DYNC2H1: variants seen among roughly 807,000 people sequenced by gnomAD.
DYNC2H1 encodes cytoplasmic dynein 2 heavy chain 1.
In DYNC2H1, 410 loss-of-function variants were observed where a neutral mutation model predicts 570.0. The observed-to-expected ratio is 0.72, with a 90% CI of 0.66 to 0.78. The LOEUF (loss-of-function observed/expected upper bound fraction) is 0.78. Ranked by LOEUF, DYNC2H1 falls within the 30% of genes least tolerant of loss-of-function variation. DYNC2H1 has a pLI of 0.00. For missense variants in DYNC2H1, 4,865 were observed against 5,046.4 expected (o/e 0.96, Z 1.09); for synonymous variants, 1,688 against 1,677.6 (o/e 1.01, Z -0.15).
intron 78 of DYNC2H1, 77 bp from the exon 79 acceptor site, chr11:103,311,801 T>C: frequency 2.1e-6 from 3 of 1,415,734 alleles, no homozygotes; most frequent in Middle Eastern, 2.5e-4. Context: ...TTAAATTATG[T>C]TCTTAAATAT....
intron 85 of DYNC2H1, among the ~76,000 whole-genome samples, chr11:103,444,998 T>G (rs1348808652): frequency 6.6e-6 from 1 of 152,152 alleles, no homozygotes; most frequent in Non-Finnish European, 1.5e-5. Flanking sequence ...ATGAATAAGC[T>G]ATAGGGAGGA....
intron 30 of DYNC2H1, among the ~76,000 whole-genome samples, chr11:103,164,115 T>A (rs1861204004): frequency 6.6e-6 from 1 of 152,182 alleles, no homozygotes; most frequent in African/African-American, 2.4e-5. Flanking sequence ...ACTGAAAATG[T>A]TTCCTAGTAC....
At position 103,374,923 on chromosome 11, in the gene DYNC2H1, T is replaced by G. The variant is rs1486270794; in HGVS notation, c.12156+16564T>G. ...GTATAATGAAGAGCCAAACACTAAT[T>G]GCCAAGACAATGGGGAAAATATCTC... On this transcript the variant is annotated intron_variant, in intron 83 of 88. Coordinates refer to ENST00000375735, the MANE Select transcript of DYNC2H1 (RefSeq NM_001377.3). Among the ~76,000 whole-genome samples the G allele has an allele frequency of 2.6e-5, 4 of 152,166 alleles. No homozygotes were observed. The East Asian group carries it at 5.8e-4, about 22-fold the overall frequency.
intron 79 of DYNC2H1, among the ~76,000 whole-genome samples, chr11:103,316,272 A>G (rs1937834807): frequency 6.6e-6 from 1 of 152,060 alleles, no homozygotes; most frequent in Non-Finnish European, 1.5e-5. Context: ...AGAATAAAAA[A>G]TGTAGTATAT....
chr11:103,470,484 C>T (rs898099206), intron 88 of DYNC2H1, among the ~76,000 whole-genome samples: 2 of 152,056 alleles, frequency 1.3e-5, no homozygotes, highest in African/African-American at 4.8e-5. Context: ...AGGTTTGTTA[C>T]GTATGTATAC....
intron 82 of DYNC2H1, among the ~76,000 whole-genome samples, chr11:103,343,032 G>A (rs1431455807): frequency 6.6e-6 from 1 of 152,114 alleles, no homozygotes; most frequent in Non-Finnish European, 1.5e-5. Context: ...CACGGCCACT[G>A]GACTAAAGAC....
At chr11:103,359,582 A>C (rs2566910) in intron 83 of DYNC2H1, among the ~76,000 whole-genome samples, 72,654 of 151,164 alleles carry the variant, frequency 0.48, 19,319 homozygotes, top group Admixed American at 0.6. Context: ...CATGTAGATT[A>C]TTTGCCTCCT....
At chr11:103,473,744 TCAGTTTGCCTTTG>T (rs1458526433) in intron 88 of DYNC2H1, among the ~76,000 whole-genome samples, 2 of 152,314 alleles carry the variant, frequency 1.3e-5, no homozygotes, top group East Asian at 3.9e-4. Context: ...CCACAGGAAG[TCAGTTTGCCTTTG>T]CTCTATCTTC....
intron 52 of DYNC2H1, among the ~76,000 whole-genome samples, chr11:103,207,742 G>GT (rs1862996994): frequency 6.6e-6 from 1 of 152,038 alleles, no homozygotes; most frequent in Non-Finnish European, 1.5e-5. Context: ...ATAGTTGTGT[G>GT]TTTTTTTCTC....
chr11:103,270,204 A>ATAAT (rs1865650617), intron 70 of DYNC2H1, among the ~76,000 whole-genome samples: 3 of 149,844 alleles, frequency 2.0e-5, no homozygotes, highest in Non-Finnish European at 4.4e-5. Flanking sequence ...AAAAAAAAAA[A>ATAAT]AAAAATAATA....
chr11:103,385,734 TACGTACC>T (rs1941844269), intron 83 of DYNC2H1, among the ~76,000 whole-genome samples: 1 of 152,220 alleles, frequency 6.6e-6, no homozygotes. Context: ...AGATTTTATT[TACGTACC>T]ACAGTGTTCT....
In DYNC2H1 at chr11:103,116,570, G is replaced by T; in HGVS notation, c.622G>T (p.Glu208Ter). 1 of 1,566,086 alleles carries T rather than the reference G, an allele frequency of 6.4e-7. No individual in the cohort carries two copies. Among genetic ancestry groups the T allele is most frequent in the African/African-American group, 1.4e-5 (1 of 73,068 alleles). ...FKELFETIAREFYNLDSLSLL... is the reference protein window; with the variant it reads ...FKELFETIAR ...TAAAAATTAATGCATTTTTTTCTAG[G>T]AGTTTTATAACTTGGACAGTCTATC... The change falls in exon 5 of 89, where the codon GAG becomes TAG. Residue 208 changes from glutamate (E) to a stop codon, truncating the protein, a stop_gained and splice_region_variant. Transcript: ENST00000375735. LOFTEE classifies it high-confidence loss of function.
At position 103,286,486 on chromosome 11, in the gene DYNC2H1, A is replaced by G. The variant is rs1210330784; in HGVS notation, c.11022+100A>G. On this transcript the variant is annotated intron_variant, in intron 74 of 88. Transcript: ENST00000375735. ...AGCTTTGCTTTTAGAGTGTTACTTTACCTTTAATGGCGTATTTGGGGAAGG... is the reference window on the plus strand; with the variant it reads ...AGCTTTGCTTTTAGAGTGTTACTTTGCCTTTAATGGCGTATTTGGGGAAGG... 2.9e-6 allele frequency: 4 copies of G among 1,369,318 alleles called. No individual in the cohort carries two copies. The East Asian group carries it at 9.3e-5, about 32-fold the overall frequency. 84.8% of individuals were successfully genotyped at this position (1,369,318 alleles called of 1,614,324 possible).
Position 103,222,062 on chromosome 11 carries a change from T to G in DYNC2H1, c.9140T>G (p.Ile3047Arg). ...GCAAAAAGAGGTGTAAGAGAAGACA[T>G]AGCAACCTTTGATGCCCGAAATATT... ...FLAKRGVRED[I>R]ATFDARNISK... is the part of the protein sequence containing the mutation. The change falls in exon 58 of 89, where the codon ATA becomes AGA. Residue 3047 changes from isoleucine to arginine, a missense_variant. Physicochemically the swap from Ile to Arg is moderately conservative, Grantham distance 97. Around this residue, in one of 5 missense-constraint regions of DYNC2H1, gnomAD observed 2,401 missense variants for 2,454.6 expected, o/e 0.98. Coordinates refer to ENST00000375735, the MANE Select transcript of DYNC2H1 (RefSeq NM_001377.3). 6.2e-7 allele frequency: 1 copy of G among 1,612,122 alleles called. No homozygotes were observed. The highest frequency in any genetic ancestry group is 8.5e-7 in the Non-Finnish European group (1 of 1,178,972).
At position 103,255,648 on chromosome 11, in the gene DYNC2H1, A is replaced by G. The variant is rs368422745; in HGVS notation, c.10326+114A>G. On this transcript the variant is annotated intron_variant, in intron 67 of 88. Coordinates refer to ENST00000375735, the MANE Select transcript of DYNC2H1 (RefSeq NM_001377.3). ...TTCAGATTTTTTTTTCCAAAGACAT[A>G]TTAGTGTATATCTTACAGTCAAAAT... is the stretch of plus-strand genomic sequence containing the variant. The G allele has an allele frequency of 1.8e-5, 20 of 1,083,832 alleles. No homozygotes were observed. The East Asian group carries it at 3.7e-4, about 20-fold the overall frequency. 67.1% of individuals were successfully genotyped at this position (1,083,832 alleles called of 1,614,324 possible).
chr11:103,467,195 C>A (rs543529902), intron 87 of DYNC2H1, among the ~76,000 whole-genome samples: 145 of 152,180 alleles, frequency 9.5e-4, no homozygotes, highest in African/African-American at 3.3e-3. Context: ...AGAATATTTT[C>A]AAAACTCTTC....
chr11:103,393,747 AAAAG>A (rs573758301), intron 83 of DYNC2H1, among the ~76,000 whole-genome samples: 119 of 152,304 alleles, frequency 7.8e-4, no homozygotes, highest in African/African-American at 2.7e-3. Context: ...GGCAATTTAT[AAAAG>A]AAAGAGGTTT....
intron 1 of DYNC2H1, among the ~76,000 whole-genome samples, chr11:103,110,868 C>G (rs900282814): frequency 6.6e-6 from 1 of 151,728 alleles, no homozygotes; most frequent in Admixed American, 6.6e-5. Flanking sequence ...TCGTATTACC[C>G]AGGCTGGAGT....
intron 83 of DYNC2H1, among the ~76,000 whole-genome samples, chr11:103,367,016 T>C (rs1282089663): frequency 1.3e-5 from 2 of 152,134 alleles, no homozygotes; most frequent in Non-Finnish European, 2.9e-5. Context: ...TAGTTTAATA[T>C]CATGGGTCAT....
Sources: gnomAD v4.1 joint callset for allele counts (sites outside exome capture counted in the v4.1 genomes callset) on GRCh38, gnomAD v4.1.1 for gene constraint, gnomAD v4.1.1 regional missense constraint, MANE v1.5 for transcripts, NCBI Gene and HGNC (gene_info 2026-07-23, HGNC 2026-07-21) for gene names.